The following MAPKAPK3 variants were observed in gnomAD, a reference collection of about 807,000 sequenced individuals.
The protein encoded by MAPKAPK3 is MAPK activated protein kinase 3.
Under a neutral mutation model 49.2 loss-of-function variants are expected in MAPKAPK3, and 35 were observed. That is an observed-to-expected ratio of 0.71 (90% confidence interval 0.54 to 0.94). The LOEUF (loss-of-function observed/expected upper bound fraction) is 0.94. Ranked by LOEUF, MAPKAPK3 falls within the 40% of genes least tolerant of loss-of-function variation. The pLI is 0.00. For synonymous variants in MAPKAPK3, 178 were observed against 188.7 expected (o/e 0.94, Z 0.46); for missense variants, 398 against 493.1 (o/e 0.81, Z 1.83).
At chr3:50,632,600 G>A (rs1295740405) in intron 2 of MAPKAPK3, among the ~76,000 whole-genome samples, 1 of 152,240 alleles carries the variant, frequency 6.6e-6, no homozygotes. Flanking sequence ...CTCTCATACT[G>A]TGAGTTGTCA....
At chr3:50,634,390 A>G (rs1001344520) in intron 2 of MAPKAPK3, among the ~76,000 whole-genome samples, 3 of 152,010 alleles carry the variant, frequency 2.0e-5, no homozygotes, top group African/African-American at 7.2e-5. Flanking sequence ...CAGACCCTCC[A>G]GTTCTGGTGG....
At chr3:50,637,209 C>T (rs1225199278) in intron 2 of MAPKAPK3, among the ~76,000 whole-genome samples, 5 of 152,152 alleles carry the variant, frequency 3.3e-5, no homozygotes, top group Non-Finnish European at 7.3e-5. Flanking sequence ...AGTCCTGGGC[C>T]CATCCTCCCA....
upstream of MAPKAPK3, among the ~76,000 whole-genome samples, chr3:50,616,223 C>G (rs557773942): frequency 6.6e-6 from 1 of 152,076 alleles, no homozygotes; most frequent in South Asian, 2.1e-4. Context: ...ATGTGATGTG[C>G]GCAAGTAGTT....
intron 2 of MAPKAPK3, among the ~76,000 whole-genome samples, chr3:50,621,715 G>C (rs779559731): frequency 1.3e-5 from 2 of 152,122 alleles, no homozygotes; most frequent in Non-Finnish European, 2.9e-5. Flanking sequence ...TGAGGCTGCA[G>C]TGAGCTGTGG....
chr3:50,613,521 G>A (rs187913806), upstream of MAPKAPK3, among the ~76,000 whole-genome samples: 8 of 152,220 alleles, frequency 5.3e-5, no homozygotes, highest in Admixed American at 2.0e-4. Flanking sequence ...CCTGATATGC[G>A]GCCCCTGTGT....
At chr3:50,626,541 G>T (rs565633920) in intron 2 of MAPKAPK3, among the ~76,000 whole-genome samples, 2 of 152,294 alleles carry the variant, frequency 1.3e-5, no homozygotes, top group African/African-American at 4.8e-5. Context: ...GAGACCCATA[G>T]CTCATCCACA....
Position 50,617,699 on chromosome 3 carries a change from T to G in MAPKAPK3, c.134T>G (p.Leu45Trp). 6.2e-7 allele frequency: 1 copy of G among 1,613,554 alleles called. No individual in the cohort carries two copies. The highest frequency in any genetic ancestry group is 8.5e-7 in the Non-Finnish European group (1 of 1,179,944). The change falls in exon 2 of 11, where the codon TTG (leucine) becomes TGG (tryptophan). Residue 45 changes from leucine (L) to tryptophan (W), a missense_variant. Coordinates refer to ENST00000621469, the MANE Select transcript of MAPKAPK3 (RefSeq NM_001243925.2). Reference sequence around the variant, plus strand: ...TACGCAGTGACCGACGACTACCAGTTGTCCAAGCAGGTGCTGGGCCTGGGT... The same window carrying G: ...TACGCAGTGACCGACGACTACCAGTGGTCCAAGCAGGTGCTGGGCCTGGGT... Reference protein sequence around the residue: ...KKYAVTDDYQLSKQVLGLGVN... With the variant: ...KKYAVTDDYQWSKQVLGLGVN...
chr3:50,644,239 G>T (rs1286352699), intron 5 of MAPKAPK3, among the ~76,000 whole-genome samples, 170 bp from the exon 6 acceptor site: 4 of 152,172 alleles, frequency 2.6e-5, no homozygotes, highest in African/African-American at 9.7e-5. Flanking sequence ...AGCACCTTGG[G>T]TTTCTCTATA....
At chr3:50,642,406 C>T (rs2033197589) in intron 5 of MAPKAPK3, 74 bp downstream of exon 5, 1 of 1,119,700 alleles carries the variant, frequency 8.9e-7, no homozygotes, top group African/African-American at 1.5e-5. Context: ...TGATGGCATC[C>T]AGGACCCACT....
In MAPKAPK3 at chr3:50,642,357, G is replaced by A. The variant is rs2033196023; in HGVS notation, c.504+25G>A. On this transcript the variant is annotated intron_variant, in intron 5 of 10. Coordinates refer to ENST00000621469, the MANE Select transcript of MAPKAPK3 (RefSeq NM_001243925.2). ...GGTGAGGCTCCAGGATTCAGGTTGGGGGCCCGGGGAAGAGGATATTGTCCC... is the reference window on the plus strand; with the variant it reads ...GGTGAGGCTCCAGGATTCAGGTTGGAGGCCCGGGGAAGAGGATATTGTCCC... The A allele has an allele frequency of 3.8e-6, 6 of 1,588,332 alleles. No homozygotes were observed. The South Asian group carries it at 6.6e-5, about 18-fold the overall frequency.
chr3:50,618,028 G>A (rs1216660521), intron 2 of MAPKAPK3, among the ~76,000 whole-genome samples: 1 of 152,232 alleles, frequency 6.6e-6, no homozygotes, highest in East Asian at 1.9e-4. Context: ...GGCTAGAGAT[G>A]CTGTATCCGG....
chr3:50,647,472 T>C (rs539973687), intron 10 of MAPKAPK3, among the ~76,000 whole-genome samples: 1 of 152,204 alleles, frequency 6.6e-6, no homozygotes, highest in South Asian at 2.1e-4. Flanking sequence ...ACCAACAACA[T>C]TTGGGAGGGT....
Position 50,646,277 on chromosome 3 carries a change from C to T in MAPKAPK3, c.829+13C>T. The T allele has an allele frequency of 6.2e-7, 1 of 1,614,026 alleles. No individual in the cohort carries two copies. Among genetic ancestry groups the T allele is most frequent in the Non-Finnish European group, 8.5e-7 (1 of 1,179,988 alleles). ...GTCTCTGAGGATGGTGAGTGAACCT[C>T]TCTGTCCCAGCCTGACTCACCTGGC... On this transcript the variant is annotated intron_variant, in intron 8 of 10. Transcript: ENST00000621469.
At chr3:50,642,191 G>C (rs1397311242) in intron 4 of MAPKAPK3, 62 bp from the exon 5 acceptor site, 2 of 1,085,044 alleles carry the variant, frequency 1.8e-6, no homozygotes, top group Non-Finnish European at 2.9e-6. Flanking sequence ...CAGGAGGGAT[G>C]ATAGGGTGGG....
intron 4 of MAPKAPK3, 44 bp from the exon 5 acceptor site, chr3:50,642,209 C>A (rs377408963): frequency 5.2e-6 from 7 of 1,336,784 alleles, no homozygotes; most frequent in South Asian, 1.2e-5. Context: ...GGGGGCTTGA[C>A]CTTTGACTGG....
chr3:50,636,498 G>A (rs1327316752), intron 2 of MAPKAPK3, among the ~76,000 whole-genome samples: 3 of 152,242 alleles, frequency 2.0e-5, no homozygotes, highest in African/African-American at 4.8e-5. Flanking sequence ...GGGCGATGAC[G>A]TGAGAGCTTT....
chr3:50,647,068 A>T, intron 9 of MAPKAPK3, 55 bp from the exon 10 acceptor site: 2 of 1,408,142 alleles, frequency 1.4e-6, no homozygotes, highest in Non-Finnish European at 2.0e-6. Context: ...AGGGGGAACC[A>T]GTGCTGTCCC....
At chr3:50,644,681 G>A (rs1023580691) in intron 6 of MAPKAPK3, 149 bp downstream of exon 6, 38 of 784,864 alleles carry the variant, frequency 4.8e-5, no homozygotes, top group Admixed American at 3.8e-4. Context: ...GGTGACGTGG[G>A]GGGCCGGAGG....
intron 9 of MAPKAPK3, 36 bp from the exon 10 acceptor site, chr3:50,647,087 C>A: frequency 6.5e-7 from 1 of 1,529,242 alleles, no homozygotes; most frequent in Non-Finnish European, 8.9e-7. Flanking sequence ...CCAGGTGCCT[C>A]CAGTTTCTAA....
Sources: allele counts gnomAD v4.1 joint callset (sites outside exome capture counted in the v4.1 genomes callset), GRCh38; gene constraint gnomAD v4.1.1; transcripts MANE v1.5; gene names NCBI Gene and HGNC (gene_info 2026-07-23, HGNC 2026-07-21).